Variants in FGGY observed in about 807,000 individuals in gnomAD.
FGGY encodes FGGY carbohydrate kinase domain containing, also known as FGGY carbohydrate kinase domain-containing protein.
In FGGY, 72 loss-of-function variants were observed where a neutral mutation model predicts 71.3. The ratio of observed to expected loss-of-function variants is 1.01; its 90% CI spans 0.84 to 1.23. FGGY has a LOEUF of 1.23. Among genes scored for constraint, FGGY ranks in the 50% most tolerant of loss-of-function variants. The pLI is 0.00. For missense variants in FGGY, 668 were observed against 682.3 expected (o/e 0.98, Z 0.23); for synonymous variants, 251 against 250.3 (o/e 1.00, Z -0.02).
intron 11 of FGGY, among the ~76,000 whole-genome samples, chr1:59,653,304 T>C (rs1229702009): frequency 6.6e-6 from 1 of 152,216 alleles, no homozygotes; most frequent in East Asian, 1.9e-4. Context: ...TTGGGCTGCT[T>C]TGTTTACCTA....
intron 6 of FGGY, among the ~76,000 whole-genome samples, chr1:59,502,482 A>G (rs536225350): frequency 6.0e-4 from 92 of 152,318 alleles, no homozygotes; most frequent in African/African-American, 2.1e-3. Flanking sequence ...TGTGGGTGCC[A>G]AAGTGGATGA....
At chr1:59,571,520 C>T (rs2095985054) in intron 8 of FGGY, among the ~76,000 whole-genome samples, 1 of 152,200 alleles carries the variant, frequency 6.6e-6, no homozygotes, top group Non-Finnish European at 1.5e-5. Flanking sequence ...CTTTGGAAAA[C>T]AGTGAGGCAT....
At chr1:59,707,206 G>T (rs767996368) in intron 14 of FGGY, among the ~76,000 whole-genome samples, 2 of 152,144 alleles carry the variant, frequency 1.3e-5, no homozygotes, top group Non-Finnish European at 2.9e-5. Context: ...TGTTGGATAG[G>T]TACTATTATT....
intron 14 of FGGY, among the ~76,000 whole-genome samples, chr1:59,710,038 C>T (rs1573533866): frequency 6.6e-6 from 1 of 152,278 alleles, no homozygotes; most frequent in Non-Finnish European, 1.5e-5. Flanking sequence ...CATGCCCCCA[C>T]CCCTAGCCAT....
At chr1:59,357,408 CTA>C (rs1370910920) in intron 4 of FGGY, among the ~76,000 whole-genome samples, 1 of 152,126 alleles carries the variant, frequency 6.6e-6, no homozygotes, top group East Asian at 1.9e-4. Flanking sequence ...TTTATATGAT[CTA>C]TGACATGACC....
chr1:59,524,931 T>G (rs1290464272), intron 7 of FGGY, among the ~76,000 whole-genome samples: 1 of 152,230 alleles, frequency 6.6e-6, no homozygotes. Flanking sequence ...GCTCACTCGC[T>G]ACTTTGTGGG....
At chr1:59,742,501 A>G (rs1464446696) in intron 14 of FGGY, among the ~76,000 whole-genome samples, 1 of 152,198 alleles carries the variant, frequency 6.6e-6, no homozygotes, top group East Asian at 1.9e-4. Flanking sequence ...CCAATATTAT[A>G]TGGTAGTCTT....
intron 9 of FGGY, among the ~76,000 whole-genome samples, chr1:59,614,867 A>G (rs920971721): frequency 6.6e-6 from 1 of 152,222 alleles, no homozygotes; most frequent in Non-Finnish European, 1.5e-5. Context: ...AGACAAAGAG[A>G]GAGCCAAATC....
intron 2 of FGGY, among the ~76,000 whole-genome samples, chr1:59,326,537 G>C (rs1362416826): frequency 6.6e-6 from 1 of 152,192 alleles, no homozygotes; most frequent in African/African-American, 2.4e-5. Flanking sequence ...GGGCCAGAGA[G>C]TTAAGTGATT....
chr1:59,392,398 C>T (rs754508531), intron 5 of FGGY, among the ~76,000 whole-genome samples: 19 of 152,048 alleles, frequency 1.2e-4, no homozygotes, highest in Non-Finnish European at 1.9e-4. Flanking sequence ...GCTTGGAGCT[C>T]GTAAGACTCG....
chr1:59,754,781 G>A (rs1353496729), intron 14 of FGGY: 1 of 152,306 alleles, frequency 6.6e-6, no homozygotes, highest in Non-Finnish European at 1.5e-5. Flanking sequence ...GACAGGATCT[G>A]AGAACCCCTG....
chr1:59,460,378 T>C (rs1189207524), intron 6 of FGGY, among the ~76,000 whole-genome samples: 5 of 151,984 alleles, frequency 3.3e-5, no homozygotes. Flanking sequence ...GAGGCTTGAG[T>C]AGGTAAACAG....
chr1:59,565,527 A>G (rs556727623), intron 8 of FGGY, among the ~76,000 whole-genome samples: 2 of 152,102 alleles, frequency 1.3e-5, no homozygotes, highest in South Asian at 2.1e-4. Context: ...ATTGTGATCC[A>G]CCCGCCTAAG....
intron 14 of FGGY, among the ~76,000 whole-genome samples, chr1:59,731,276 A>G (rs1191211959): frequency 6.6e-6 from 1 of 152,240 alleles, no homozygotes; most frequent in Non-Finnish European, 1.5e-5. Context: ...GCGGGAAAGA[A>G]AAATAAATGT....
intron 2 of FGGY, among the ~76,000 whole-genome samples, chr1:59,330,562 C>G (rs1453256947): frequency 6.9e-6 from 1 of 145,476 alleles, no homozygotes; most frequent in Non-Finnish European, 1.5e-5. Flanking sequence ...AAGCAAGACT[C>G]CATCTCAAAA....
chr1:59,419,168 T>C (rs1475828241), intron 5 of FGGY, among the ~76,000 whole-genome samples: 2 of 152,166 alleles, frequency 1.3e-5, no homozygotes, highest in East Asian at 3.8e-4. Context: ...GTGGTGGTTT[T>C]CTAAAATCCT....
At chr1:59,634,024 C>A (rs2096932653) in intron 10 of FGGY, among the ~76,000 whole-genome samples, 1 of 152,114 alleles carries the variant, frequency 6.6e-6, no homozygotes, top group African/African-American at 2.4e-5. Context: ...GATTCATCGG[C>A]ATTAACAACA....
intron 14 of FGGY, among the ~76,000 whole-genome samples, chr1:59,726,336 A>T (rs2097947810): frequency 6.6e-6 from 1 of 152,018 alleles, no homozygotes; most frequent in Admixed American, 6.6e-5. Context: ...TGCTAATATT[A>T]TATTAAGAAT....
intron 4 of FGGY, among the ~76,000 whole-genome samples, chr1:59,353,882 C>T (rs1458990797): frequency 6.6e-6 from 1 of 152,084 alleles, no homozygotes; most frequent in African/African-American, 2.4e-5. Flanking sequence ...GAAGTGGTCT[C>T]TGCCACCAAG....
Sources: allele counts gnomAD v4.1 joint callset (sites outside exome capture counted in the v4.1 genomes callset), GRCh38; gene constraint gnomAD v4.1.1; transcripts MANE v1.5; gene names NCBI Gene and HGNC (gene_info 2026-07-23, HGNC 2026-07-21).